The following UNKL variants were observed in gnomAD, a reference collection of about 807,000 sequenced individuals.
UNKL encodes the protein unk like zinc finger.
A neutral mutation model predicts 78.0 loss-of-function variants in UNKL; 60 were observed. The ratio of observed to expected loss-of-function variants is 0.77; its 90% CI spans 0.63 to 0.95. The LOEUF is 0.95. UNKL is among the 40% of genes least tolerant of loss of function. The probability of loss-of-function intolerance (pLI) is 0.00; values close to 1 mark genes in which losing one functional copy is unlikely to be tolerated. For synonymous variants in UNKL, 608 were observed against 474.8 expected, an observed-to-expected ratio of 1.28 and a Z score of -3.65; for missense variants, 1,159 against 1,045.7, an observed-to-expected ratio of 1.11 and a Z score of -1.49.
chr16:1,414,436 G>A (rs953874635), intron 1 of UNKL, among the ~76,000 whole-genome samples, 179 bp downstream of exon 1: 90 of 151,932 alleles, frequency 5.9e-4, no homozygotes, highest in African/African-American at 1.7e-3. Context: ...CCAGACCATG[G>A]GCGCCGCGCT....
At position 1,407,067 on chromosome 16, in the gene UNKL, T is replaced by G. The variant is rs564288258; in HGVS notation, c.288-3723A>C. Among the ~76,000 whole-genome samples the G allele has an allele frequency of 2.6e-5, 4 of 151,332 alleles. No homozygotes were observed. In the South Asian group the frequency reaches 6.3e-4, roughly 24 times the overall value. ...GGGAGGTTGAGGCAGGAGAATCACT[T>G]GAACCCGGGAGGTGGATGCTGCAGT... On this transcript the variant is annotated intron_variant, in intron 2 of 14. Coordinates refer to ENST00000389221, the MANE Select transcript of UNKL (RefSeq NM_001372107.1).
chr16:1,403,372 TGGTTATCATGGACC>T lies in UNKL; in HGVS notation c.288-42_288-29del. 6.2e-7 allele frequency: 1 copy of T among 1,607,040 alleles called. No individual in the cohort carries two copies. The highest frequency in any genetic ancestry group is 8.5e-7 in the Non-Finnish European group (1 of 1,176,524). Reference sequence around the variant, plus strand: ...GGGGAGCAGAGAGGCACGCAATGCCTGGTTATCATGGACCCAGAGGCAGCCCTAAGCTCCCTGGG... The same window carrying T: ...GGGGAGCAGAGAGGCACGCAATGCCTCAGAGGCAGCCCTAAGCTCCCTGGG... On this transcript the variant is annotated intron_variant, in intron 2 of 14. Coordinates refer to ENST00000389221, the MANE Select transcript of UNKL (RefSeq NM_001372107.1). The surrounding 1 kb of genome is among the most constrained non-coding windows in gnomAD (Gnocchi z 4.8).
At position 1,398,963 on chromosome 16, in the gene UNKL, C is replaced by G. The variant is rs371194387; in HGVS notation, c.734+411G>C. 23 of 1,516,378 alleles carry G rather than the reference C, an allele frequency of 1.5e-5. No individual in the cohort carries two copies. The African/African-American group carries it at 2.8e-4, about 18-fold the overall frequency. The allele number at this position is 1,516,378 out of a possible 1,614,324, so 93.9% of individuals were successfully genotyped here. ...CCAGCTGTGAAGACAAGATTGAGCCCAGGTGACGACAGTGCCTGAGCCCCT... is the reference window on the plus strand; with the variant it reads ...CCAGCTGTGAAGACAAGATTGAGCCGAGGTGACGACAGTGCCTGAGCCCCT... On this transcript the variant is annotated intron_variant, in intron 5 of 14. Transcript: ENST00000389221.
rs1196407886 is a variant in UNKL, at chr16:1,367,248, C to T, written c.1890G>A (p.Glu630=). The T allele has an allele frequency of 6.3e-7, 1 of 1,590,060 alleles. No individual in the cohort carries two copies. Among genetic ancestry groups the T allele is most frequent in the Non-Finnish European group, 8.5e-7 (1 of 1,171,950 alleles). The change falls in exon 14 of 15, where the codon GAG becomes GAA. Residue 630 remains glutamate (E), a synonymous_variant. Transcript: ENST00000389221. ...QLALQKKEEV[E]AQVKQLQEEL... ...CCTCCTGCAGCTGCTTCACCTGTGC[C>T]TCCACCTCCTCCTTCTTCTGCAGCG...
intron 10 of UNKL, among the ~76,000 whole-genome samples, chr16:1,372,820 C>T (rs1024449354): frequency 5.2e-4 from 79 of 151,748 alleles, no homozygotes; most frequent in Non-Finnish European, 8.8e-4. Context: ...ACCTCAGCAG[C>T]GTGGGGCACA....
At chr16:1,379,990 C>G (rs2036536385) in intron 10 of UNKL, among the ~76,000 whole-genome samples, 1 of 152,224 alleles carries the variant, frequency 6.6e-6, no homozygotes, top group Admixed American at 6.5e-5. Context: ...CCAACAGGGG[C>G]GCTCGCGGGG....
chr16:1,376,815 A>G (rs1054072464), intron 10 of UNKL, among the ~76,000 whole-genome samples: 3 of 152,106 alleles, frequency 2.0e-5, no homozygotes, highest in African/African-American at 7.2e-5. Context: ...GAGATTAACA[A>G]GATTAACTGG....
chr16:1,368,170 G>A (rs988604138), intron 12 of UNKL: 21 of 431,440 alleles, frequency 4.9e-5, no homozygotes, highest in African/African-American at 2.4e-4. Flanking sequence ...AGGTGGGAGG[G>A]GCAGTGGTTC....
chr16:1,403,040 G>T lies in UNKL; in HGVS notation c.464+128C>A. ...CATCCAGACTCAGAAAGAAATTCTG[G>T]AGGAGAGAGATTTGGGCCAGCAGAG... On this transcript the variant is annotated intron_variant, in intron 3 of 14. Coordinates refer to ENST00000389221, the MANE Select transcript of UNKL (RefSeq NM_001372107.1). This position sits in a 1 kb window ranked among gnomAD's most constrained non-coding sequence, Gnocchi z 4.8. 8.4e-7 allele frequency: 1 copy of T among 1,191,958 alleles called. No homozygotes were observed. The highest frequency in any genetic ancestry group is 2.6e-5 in the East Asian group (1 of 38,140). The allele number at this position is 1,191,958 out of a possible 1,614,324, so 73.8% of individuals were successfully genotyped here. A position where few individuals can be genotyped will look rare whatever the true frequency, so the allele number is the denominator to read the frequency against.
intron 2 of UNKL, 55 bp downstream of exon 2, chr16:1,413,791 G>A (rs1364852842): frequency 5.5e-6 from 8 of 1,465,848 alleles, no homozygotes; most frequent in Admixed American, 5.0e-5. Context: ...CCGCATCCCC[G>A]GGTGGAGGCC....
At chr16:1,410,061 A>G (rs942136061) in intron 2 of UNKL, among the ~76,000 whole-genome samples, 15 of 152,252 alleles carry the variant, frequency 9.9e-5, no homozygotes, top group Admixed American at 3.9e-4. Flanking sequence ...TCTGGTAGAT[A>G]AAGCGAGAGC....
At chr16:1,384,708 C>G (rs966607269) in intron 10 of UNKL, among the ~76,000 whole-genome samples, 1 of 152,168 alleles carries the variant, frequency 6.6e-6, no homozygotes, top group Non-Finnish European at 1.5e-5. Flanking sequence ...AAGGGATCCT[C>G]CCACCTCAGC....
intron 10 of UNKL, among the ~76,000 whole-genome samples, chr16:1,372,087 T>G (rs2035896028): frequency 2.5e-5 from 1 of 40,218 alleles, no homozygotes; most frequent in Admixed American, 3.2e-4. Context: ...AAACCCCGTC[T>G]CAACCAAAAA....
At chr16:1,382,570 C>T (rs2036641494) in intron 10 of UNKL, among the ~76,000 whole-genome samples, 1 of 152,180 alleles carries the variant, frequency 6.6e-6, no homozygotes, top group African/African-American at 2.4e-5. Context: ...GGTTCTCCGG[C>T]AGGTGCACAA....
At chr16:1,379,724 G>T (rs981101127) in intron 10 of UNKL, 4 of 860,940 alleles carry the variant, frequency 4.6e-6, no homozygotes, top group Admixed American at 6.8e-5. Flanking sequence ...GCCCCGCCCC[G>T]CAACGTGACT....
At chr16:1,378,956 CAAAG>C (rs1432543300) in intron 10 of UNKL, 2 of 152,326 alleles carry the variant, frequency 1.3e-5, no homozygotes, top group South Asian at 2.1e-4. Flanking sequence ...GAAACATTCT[CAAAG>C]AAAGAGCTGA....
At chr16:1,408,257 G>C (rs1311937951) in intron 2 of UNKL, among the ~76,000 whole-genome samples, 1 of 49,130 alleles carries the variant, frequency 2.0e-5, no homozygotes, top group Non-Finnish European at 4.3e-5. Context: ...CCACATGGGA[G>C]CTGCCCCCCC....
rs902322334 is a variant in UNKL at position 1,369,910 on chromosome 16, G to A, written c.1585+220C>T. ...GAATTGCTTGAACCTGGGAGGCGGA[G>A]GTTGCGGCGAGCCGAGATCGTACCA... On this transcript the variant is annotated intron_variant, in intron 12 of 14. Coordinates refer to ENST00000389221, the MANE Select transcript of UNKL (RefSeq NM_001372107.1). 5.9e-6 allele frequency: 9 copies of A among 1,533,500 alleles called. No homozygotes were observed. In the South Asian group the frequency reaches 9.5e-5, roughly 16 times the overall value. The allele number at this position is 1,533,500 out of a possible 1,614,324, so 95.0% of individuals were successfully genotyped here. A position where few individuals can be genotyped will look rare whatever the true frequency, so the allele number is the denominator to read the frequency against.
At chr16:1,372,080 C>T (rs1467434295) in intron 10 of UNKL, among the ~76,000 whole-genome samples, 1 of 120,152 alleles carries the variant, frequency 8.3e-6, no homozygotes, top group Non-Finnish European at 1.7e-5. Context: ...CACGGTGAAA[C>T]CCCGTCTCAA....
Sources: gnomAD v4.1 joint callset for allele counts (sites outside exome capture counted in the v4.1 genomes callset) on GRCh38, gnomAD v4.1.1 for gene constraint, Gnocchi (gnomAD v3.1) non-coding constraint, MANE v1.5 for transcripts, NCBI Gene and HGNC (gene_info 2026-07-23, HGNC 2026-07-21) for gene names.